The following FER1L5 variants were observed in gnomAD, a reference collection of about 807,000 sequenced individuals.
FER1L5 encodes fer-1-like protein 5.
In FER1L5, 187 loss-of-function variants were observed where a neutral mutation model predicts 279.9. The observed-to-expected ratio is 0.67, with a 90% CI of 0.59 to 0.75. FER1L5 has a LOEUF of 0.75. Among genes scored for constraint, FER1L5 ranks in the 30% least tolerant of loss-of-function variants. FER1L5 has a pLI of 0.00. For synonymous variants in FER1L5, 921 were observed against 989.7 expected, an observed-to-expected ratio of 0.93 and a Z score of 1.30; for missense variants, 2,091 against 2,594.4, an observed-to-expected ratio of 0.81 and a Z score of 4.21.
intron 19 of FER1L5, among the ~76,000 whole-genome samples, chr2:96,683,103 G>T (rs956593956): frequency 6.6e-6 from 1 of 152,186 alleles, no homozygotes; most frequent in African/African-American, 2.4e-5. Context: ...TGATGGGTCA[G>T]TTCTCATTCC....
intron 4 of FER1L5, 133 bp downstream of exon 4, chr2:96,648,019 C>G (rs562084378): frequency 3.0e-6 from 2 of 658,398 alleles, no homozygotes; most frequent in African/African-American, 3.6e-5. Flanking sequence ...GACCACCTCC[C>G]TTGCCATCAT....
At position 96,702,102 on chromosome 2, in the gene FER1L5, AG is replaced by A; in HGVS notation, c.5159+62del. 1.3e-6 allele frequency: 2 copies of A among 1,593,498 alleles called. No homozygotes were observed. Among genetic ancestry groups the A allele is most frequent in the Non-Finnish European group, 1.7e-6 (2 of 1,163,662 alleles). ...TCACAGTTCAGAACTCCCCCAGTGCAGGGCACCACTGTCCTCAGGTACTGAG... is the reference window on the plus strand; with the variant it reads ...TCACAGTTCAGAACTCCCCCAGTGCAGGCACCACTGTCCTCAGGTACTGAG... On this transcript the variant is annotated intron_variant, in intron 46 of 52. Transcript: ENST00000624922. This position sits in a 1 kb window ranked among gnomAD's most constrained non-coding sequence, Gnocchi z 4.0.
chr2:96,691,184 C>A lies in FER1L5; in HGVS notation c.2744-6C>A. On this transcript the variant is annotated splice_region_variant and splice_polypyrimidine_tract_variant and intron_variant, in intron 27 of 52. Coordinates refer to ENST00000624922, the MANE Select transcript of FER1L5 (RefSeq NM_001293083.2). The surrounding 1 kb of genome is among the most constrained non-coding windows in gnomAD (Gnocchi z 6.0). ...GGACTCAGAGGCCATGGTCCACCCA[C>A]CGCAGGCTGGGAGTATGGAGTGGGG... is the stretch of plus-strand genomic sequence containing the variant. The A allele has an allele frequency of 6.5e-7, 1 of 1,544,312 alleles. No individual in the cohort carries two copies. The highest frequency in any genetic ancestry group is 2.0e-5 in the Admixed American group (1 of 50,464).
At position 96,661,456 on chromosome 2, in the gene FER1L5, C is replaced by T. The variant is rs1231187758; in HGVS notation, c.894+16C>T. 4 of 1,549,748 alleles carry T rather than the reference C, an allele frequency of 2.6e-6. No individual in the cohort carries two copies. In the East Asian group the frequency reaches 7.3e-5, roughly 28 times the overall value. On this transcript the variant is annotated intron_variant, in intron 11 of 52. Transcript: ENST00000624922. ...CCAGGCCCTGGTGAGCTGCCCCTAACCCCGGAAACTTTCCTATCCTGGCTG... is the reference window on the plus strand; with the variant it reads ...CCAGGCCCTGGTGAGCTGCCCCTAATCCCGGAAACTTTCCTATCCTGGCTG...
Position 96,647,779 on chromosome 2 carries a change from T to A in FER1L5, c.232T>A (p.Phe78Ile). 1.3e-6 allele frequency: 2 copies of A among 1,551,012 alleles called. No individual in the cohort carries two copies. Among genetic ancestry groups the A allele is most frequent in the Non-Finnish European group, 8.7e-7 (1 of 1,146,348 alleles). ...CACATCTGCTCCTTGTCTCCCCAGA[T>A]TCATTGGCCTGGCCACAGTACTGCT... ...QDMGSQKKERFIGLATVLLKP... is the reference protein window; with the variant it reads ...QDMGSQKKERIIGLATVLLKP... The change falls in exon 4 of 53, where the codon TTC (phenylalanine) becomes ATC (isoleucine). Residue 78 changes from phenylalanine to isoleucine, a missense_variant and splice_region_variant. Phe to Ile is a conservative substitution (Grantham distance 21, BLOSUM62 0). Transcript: ENST00000624922.
At chr2:96,647,396 T>G (rs767047854) in intron 3 of FER1L5, among the ~76,000 whole-genome samples, 1 of 152,104 alleles carries the variant, frequency 6.6e-6, no homozygotes, top group Non-Finnish European at 1.5e-5. Context: ...TATCTCAAAT[T>G]TCTGCTTCTC....
At chr2:96,678,741 T>G (rs145815239) in intron 19 of FER1L5, among the ~76,000 whole-genome samples, 1 of 152,232 alleles carries the variant, frequency 6.6e-6, no homozygotes, top group Non-Finnish European at 1.5e-5. Context: ...CCACATCTTT[T>G]CATGTGCTCA....
In FER1L5 at chr2:96,643,163, T is replaced by A. The variant is rs573435205; in HGVS notation, c.85+242T>A. 1.3e-4 allele frequency among the ~76,000 whole-genome samples: 20 copies of A among 152,324 alleles called. No homozygotes were observed. In the South Asian group the frequency reaches 1.4e-3, roughly 11 times the overall value. ...AGAGGACTAGTGCTTCTGGACCTTC[T>A]TCCATGACCTGGAGCTGTGCCATAA... On this transcript the variant is annotated intron_variant, in intron 1 of 52. Coordinates refer to ENST00000624922, the MANE Select transcript of FER1L5 (RefSeq NM_001293083.2).
intron 9 of FER1L5, among the ~76,000 whole-genome samples, chr2:96,656,680 T>G (rs1027507487): frequency 1.3e-5 from 2 of 151,792 alleles, no homozygotes; most frequent in Non-Finnish European, 2.9e-5. Context: ...GGTCCACTCA[T>G]TGCAAGTGGT....
intron 19 of FER1L5, among the ~76,000 whole-genome samples, chr2:96,676,089 G>A (rs2076500768): frequency 2.0e-5 from 3 of 152,176 alleles, no homozygotes; most frequent in East Asian, 1.9e-4. Flanking sequence ...CATATGGTAT[G>A]AGGGAGGAAT....
chr2:96,646,552 C>A, intron 2 of FER1L5, 99 bp downstream of exon 2: 1 of 1,204,346 alleles, frequency 8.3e-7, no homozygotes, highest in Admixed American at 2.2e-5. Flanking sequence ...AGGGAGAGGA[C>A]GTGCAACCTC....
rs1037607538 is a variant in FER1L5, at chr2:96,686,090, G to A, written c.2046G>A (p.Leu682=). The A allele has an allele frequency of 1.9e-6, 3 of 1,551,374 alleles. No homozygotes were observed. Among genetic ancestry groups the A allele is most frequent in the African/African-American group, 2.7e-5 (2 of 73,190 alleles). The change falls in exon 22 of 53, where the codon CTG becomes CTA. Residue 682 remains leucine, a synonymous_variant. Transcript: ENST00000624922. The stretch of plus-strand genomic sequence containing the variant: ...TGGTGGCCACAGCGGAGGACTGGCT[G>A]TACCGCCTCAACACCGTGCTCCCTG... ...KDMVATAEDW[L]YRLNTVLPEP... is the part of the protein sequence containing the mutation.
intron 9 of FER1L5, 106 bp from the exon 10 acceptor site, chr2:96,660,235 A>G (rs1393449142): frequency 1.8e-6 from 2 of 1,135,010 alleles, no homozygotes; most frequent in African/African-American, 3.1e-5. Flanking sequence ...GTTAGGGCAG[A>G]GAACATACTG....
At chr2:96,659,457 CT>C (rs1392582270) in intron 9 of FER1L5, among the ~76,000 whole-genome samples, 1 of 26,454 alleles carries the variant, frequency 3.8e-5, no homozygotes, top group Non-Finnish European at 6.0e-5. Context: ...TTCTTTCTTT[CT>C]TTCTTTCTTT....
At chr2:96,685,257 C>A in intron 20 of FER1L5, 72 bp from the exon 21 acceptor site, 2 of 1,336,860 alleles carry the variant, frequency 1.5e-6, no homozygotes, top group African/African-American at 1.5e-5. Flanking sequence ...TTGGGCCAAT[C>A]AGCCCTGTGG....
chr2:96,663,932 A>G lies in FER1L5; in HGVS notation c.1140+425A>G, dbSNP rs147668392. ...GTGACATGCGCCTGTAGTTCCAGCT[A>G]CTCGGGAGGGTGAGGCAGGAGAGTT... On this transcript the variant is annotated intron_variant, in intron 14 of 52. Transcript: ENST00000624922. 2.9e-3 allele frequency among the ~76,000 whole-genome samples: 439 copies of G among 152,120 alleles called. 2 individuals carry two copies. The highest frequency in any genetic ancestry group is 0.01 in the African/African-American group (420 of 41,474).
rs1386934516 is a variant in FER1L5 at position 96,699,703 on chromosome 2, C to T, written c.4764C>T (p.Leu1588=). The change falls in exon 43 of 53, where the codon CTC becomes CTT. Residue 1588 remains leucine (L), a synonymous_variant. Coordinates refer to ENST00000624922, the MANE Select transcript of FER1L5 (RefSeq NM_001293083.2). ...LLSGFGAHCG[L]SKSYCQSGPF... is the part of the protein sequence containing the mutation. ...CTGGCTTTGGAGCTCATTGTGGGCTCTCCAAATCCTACTGCCAGTGAGAGT... is the reference window on the plus strand; with the variant it reads ...CTGGCTTTGGAGCTCATTGTGGGCTTTCCAAATCCTACTGCCAGTGAGAGT... The T allele has an allele frequency of 6.2e-7, 1 of 1,613,978 alleles. No homozygotes were observed. The highest frequency in any genetic ancestry group is 8.5e-7 in the Non-Finnish European group (1 of 1,179,888).
intron 9 of FER1L5, among the ~76,000 whole-genome samples, chr2:96,659,326 C>CTTCCTTCT (rs1558852953): frequency 1.4e-5 from 1 of 73,398 alleles, no homozygotes; most frequent in Non-Finnish European, 2.6e-5. Context: ...TCCTTCCTTC[C>CTTCCTTCT]TTCCTTCCTT....
intron 19 of FER1L5, among the ~76,000 whole-genome samples, chr2:96,675,101 TTGTA>T (rs561374662): frequency 1.7e-4 from 26 of 152,342 alleles, no homozygotes; most frequent in African/African-American, 6.3e-4. Flanking sequence ...ACATTAAACT[TTGTA>T]TGTGGGTATG....
Sources: allele counts gnomAD v4.1 joint callset (sites outside exome capture counted in the v4.1 genomes callset), GRCh38; gene constraint gnomAD v4.1.1; non-coding constraint Gnocchi (gnomAD v3.1); transcripts MANE v1.5; gene names NCBI Gene and HGNC (gene_info 2026-07-23, HGNC 2026-07-21).